PTPN23: variants seen among roughly 807,000 people sequenced by gnomAD.
PTPN23 encodes protein tyrosine phosphatase non-receptor type 23, also known as tyrosine-protein phosphatase non-receptor type 23.
A neutral mutation model predicts 156.3 loss-of-function variants in PTPN23; 72 were observed. The observed-to-expected ratio is 0.46, with a 90% CI of 0.38 to 0.56. The LOEUF is 0.56. PTPN23 is among the 20% of genes least tolerant of loss of function. PTPN23 has a pLI of 0.00. For synonymous variants in PTPN23, 957 were observed against 899.6 expected, an observed-to-expected ratio of 1.06 and a Z score of -1.14; for missense variants, 1,974 against 2,171.5, an observed-to-expected ratio of 0.91 and a Z score of 1.81.
Position 47,413,193 on chromosome 3 carries a change from T to C in PTPN23, c.*8T>C. ...ACACTCAACAAGACCTGAACAGGTT[T>C]TGCCTACCTGGTCCTTACACTACAT... On this transcript the variant is annotated 3_prime_UTR_variant, in exon 25 of 25. Transcript: ENST00000265562. 6.2e-7 allele frequency: 1 copy of C among 1,604,388 alleles called. No homozygotes were observed. Among genetic ancestry groups the C allele is most frequent in the East Asian group, 2.2e-5 (1 of 44,724 alleles).
chr3:47,383,972 A>G (rs942998503), intron 1 of PTPN23, among the ~76,000 whole-genome samples: 24 of 152,094 alleles, frequency 1.6e-4, no homozygotes. Context: ...GCTTGCTCTG[A>G]GCTGTGGGAA....
chr3:47,402,562 G>A lies in PTPN23; in HGVS notation c.160-2090G>A, dbSNP rs1050469754. Among the ~76,000 whole-genome samples the A allele has an allele frequency of 3.9e-5, 6 of 152,282 alleles. No individual in the cohort carries two copies. The South Asian group carries it at 1.0e-3, about 26-fold the overall frequency. ...CCCAAAGTGTTGGGATTATAGGCGT[G>A]AGCCACCTCGCCCAGCCATATCTAT... is the stretch of plus-strand genomic sequence containing the variant. On this transcript the variant is annotated intron_variant, in intron 2 of 24. Coordinates refer to ENST00000265562, the MANE Select transcript of PTPN23 (RefSeq NM_015466.4).
intron 2 of PTPN23, among the ~76,000 whole-genome samples, chr3:47,396,611 G>A (rs540170435): frequency 3.4e-4 from 52 of 152,164 alleles, no homozygotes; most frequent in African/African-American, 1.2e-3. Flanking sequence ...GCCCTTTCTA[G>A]CTTTTGATGT....
In PTPN23 at chr3:47,413,205, T is replaced by G. The variant is rs1308038951; in HGVS notation, c.*20T>G. ...ACCTGAACAGGTTTTGCCTACCTGG[T>G]CCTTACACTACATCATCATCATCTC... On this transcript the variant is annotated 3_prime_UTR_variant, in exon 25 of 25. Coordinates refer to ENST00000265562, the MANE Select transcript of PTPN23 (RefSeq NM_015466.4). 6.3e-7 allele frequency: 1 copy of G among 1,593,528 alleles called. No individual in the cohort carries two copies. Among genetic ancestry groups the G allele is most frequent in the Non-Finnish European group, 8.6e-7 (1 of 1,168,834 alleles).
intron 15 of PTPN23, 135 bp from the exon 16 acceptor site, chr3:47,408,641 C>G: frequency 7.1e-7 from 1 of 1,416,570 alleles, no homozygotes; most frequent in Non-Finnish European, 9.6e-7. Flanking sequence ...CAGCATACCT[C>G]TTGCACCCTG....
At chr3:47,399,320 T>C (rs934463120) in intron 2 of PTPN23, among the ~76,000 whole-genome samples, 6 of 152,020 alleles carry the variant, frequency 3.9e-5, no homozygotes, top group Middle Eastern at 3.2e-3. Flanking sequence ...TCAAAGCCTT[T>C]GCCTAGAAGT....
chr3:47,403,848 C>G (rs898420074), intron 2 of PTPN23, among the ~76,000 whole-genome samples: 8 of 152,168 alleles, frequency 5.3e-5, no homozygotes, highest in African/African-American at 1.9e-4. Flanking sequence ...GTTTTTGACC[C>G]TGGTAATAAT....
chr3:47,385,144 C>T (rs1310812199), intron 1 of PTPN23, among the ~76,000 whole-genome samples: 1 of 152,180 alleles, frequency 6.6e-6, no homozygotes, highest in Non-Finnish European at 1.5e-5. Flanking sequence ...AGTGCTGATT[C>T]ACTGGAAACT....
intron 1 of PTPN23, among the ~76,000 whole-genome samples, chr3:47,394,229 A>G (rs1339655956): frequency 1.3e-5 from 2 of 152,196 alleles, no homozygotes; most frequent in Admixed American, 1.3e-4. Flanking sequence ...TATACAACAC[A>G]TCTGATAAGG....
At position 47,405,491 on chromosome 3, in the gene PTPN23, A is replaced by G; in HGVS notation, c.365-258A>G. The G allele has an allele frequency of 1.8e-6, 1 of 560,262 alleles. No homozygotes were observed. Among genetic ancestry groups the G allele is most frequent in the African/African-American group, 1.9e-5 (1 of 52,864 alleles). The allele number at this position is 560,262 out of a possible 1,614,324, so 34.7% of individuals were successfully genotyped here. On this transcript the variant is annotated intron_variant, in intron 4 of 24. Coordinates refer to ENST00000265562, the MANE Select transcript of PTPN23 (RefSeq NM_015466.4). The surrounding 1 kb of genome is among the most constrained non-coding windows in gnomAD (Gnocchi z 4.7). ...TTGGGGAGCCCCAGAGTTCTGTGCA[A>G]ACATCCCTGAAGCTTCAAGATTGGA...
At position 47,410,288 on chromosome 3, in the gene PTPN23, G is replaced by T. The variant is rs117855006; in HGVS notation, c.2490G>T (p.Glu830Asp). ...ALYPAPAYTP[E>D]LGLVPRSSPQ... ...ACCCAGCCCCTGCCTACACACCGGA[G>T]CTGGGCCTTGTGCCCCGATCCTCCC... Residue 830 changes from glutamate to aspartate, a missense_variant, in exon 20 of 25, where the codon GAG (glutamate) becomes GAT (aspartate). Transcript: ENST00000265562. 942 of 1,606,228 alleles carry T rather than the reference G, an allele frequency of 5.9e-4. 9 individuals carry two copies. In the East Asian group the frequency reaches 0.018, roughly 30 times the overall value.
At position 47,405,108 on chromosome 3, in the gene PTPN23, C is replaced by T; in HGVS notation, c.364+27C>T. The T allele has an allele frequency of 6.2e-7, 1 of 1,606,528 alleles. No homozygotes were observed. Among genetic ancestry groups the T allele is most frequent in the Non-Finnish European group, 8.5e-7 (1 of 1,173,162 alleles). The stretch of plus-strand genomic sequence containing the variant: ...TGAGCTGCCTGATCCCTTCCCCCGG[C>T]CCTACTCCCCAGTCCTGCCAGCCTA... On this transcript the variant is annotated intron_variant, in intron 4 of 24. Coordinates refer to ENST00000265562, the MANE Select transcript of PTPN23 (RefSeq NM_015466.4). This position sits in a 1 kb window ranked among gnomAD's most constrained non-coding sequence, Gnocchi z 4.7.
chr3:47,413,341 A>G lies in PTPN23; in HGVS notation c.*156A>G. 2.9e-6 allele frequency: 3 copies of G among 1,029,106 alleles called. No homozygotes were observed. The East Asian group carries it at 7.2e-5, about 25-fold the overall frequency. 63.7% of individuals were successfully genotyped at this position (1,029,106 alleles called of 1,614,324 possible). ...CAGCCTGCACCCCTGTGGGGTGGAA[A>G]TGTACTGCAGGCTCTGGGTCAGGTT... On this transcript the variant is annotated 3_prime_UTR_variant, in exon 25 of 25. Coordinates refer to ENST00000265562, the MANE Select transcript of PTPN23 (RefSeq NM_015466.4).
Position 47,410,237 on chromosome 3 carries a change from G to C in PTPN23, c.2439G>C (p.Met813Ile). ...CCAGGGCCCCAGGGCCCCATGCAAT[G>C]CCCGTAGCACCTGGGCCTGCCCTCT... ...IQPRAPGPHA[M>I]PVAPGPALYP... The change falls in exon 20 of 25, where the codon ATG becomes ATC. Residue 813 changes from methionine to isoleucine, a missense_variant. Transcript: ENST00000265562. 6.2e-7 allele frequency: 1 copy of C among 1,611,260 alleles called. No individual in the cohort carries two copies.
intron 2 of PTPN23, among the ~76,000 whole-genome samples, chr3:47,396,657 A>G (rs1704885368): frequency 2.6e-5 from 4 of 152,150 alleles, no homozygotes; most frequent in African/African-American, 9.7e-5. Flanking sequence ...ACTCATGCCT[A>G]TGATCCCAGC....
chr3:47,408,145 C>G (rs971980600), intron 14 of PTPN23, among the ~76,000 whole-genome samples, 190 bp downstream of exon 14: 1 of 152,158 alleles, frequency 6.6e-6, no homozygotes, highest in African/African-American at 2.4e-5. Flanking sequence ...GGAGGAGGTG[C>G]CTTCTGTTCC....
At chr3:47,391,215 T>G (rs1215346622) in intron 1 of PTPN23, among the ~76,000 whole-genome samples, 1 of 152,152 alleles carries the variant, frequency 6.6e-6, no homozygotes, top group Non-Finnish European at 1.5e-5. Context: ...AACTCCAGCC[T>G]GGGCAACAGA....
Position 47,408,955 on chromosome 3 carries a change from G to A in PTPN23, c.1510G>A (p.Val504Ile). 6.2e-7 allele frequency: 1 copy of A among 1,614,236 alleles called. No individual in the cohort carries two copies. Among genetic ancestry groups the A allele is most frequent in the Non-Finnish European group, 8.5e-7 (1 of 1,180,042 alleles). ...GCGAGAATGGGCCAAGTACATGGAA[G>A]TCCATGAGAAGGCCTCCTTCACCAA... ...VRREWAKYME[V>I]HEKASFTNSE... Residue 504 changes from valine (V) to isoleucine (I), a missense_variant, in exon 16 of 25, where the codon GTC becomes ATC. This residue lies in a region of PTPN23 where 726 missense variants were observed against 929.5 expected (regional missense o/e 0.78). Coordinates refer to ENST00000265562, the MANE Select transcript of PTPN23 (RefSeq NM_015466.4).
chr3:47,404,760 G>A lies in PTPN23; in HGVS notation c.268G>A (p.Ala90Thr). Reference protein sequence around the residue: ...SRVPMGSGQEAAVPVTWTEIF... With the variant: ...SRVPMGSGQETAVPVTWTEIF... ...GGTCCCCATGGGCTCGGGCCAGGAG[G>A]CCGCTGTCCCTGTCACCTGGTGAGA... The change falls in exon 3 of 25, where the codon GCC becomes ACC. Residue 90 changes from alanine (A) to threonine (T), a missense_variant. Ala to Thr is a moderately conservative substitution (Grantham distance 58, BLOSUM62 0). Transcript: ENST00000265562. The A allele has an allele frequency of 6.2e-7, 1 of 1,613,754 alleles. No individual in the cohort carries two copies. Among genetic ancestry groups the A allele is most frequent in the Non-Finnish European group, 8.5e-7 (1 of 1,180,016 alleles).
Sources: gnomAD v4.1 joint callset for allele counts (sites outside exome capture counted in the v4.1 genomes callset) on GRCh38, gnomAD v4.1.1 for gene constraint, gnomAD v4.1.1 regional missense constraint, Gnocchi (gnomAD v3.1) non-coding constraint, MANE v1.5 for transcripts, NCBI Gene and HGNC (gene_info 2026-07-23, HGNC 2026-07-21) for gene names.